The following SOBP variants were observed in gnomAD, a reference collection of about 807,000 sequenced individuals.
SOBP encodes the protein sine oculis binding protein homolog.
SOBP carries 4 observed loss-of-function variants against 53.6 expected under a neutral mutation model. The ratio of observed to expected loss-of-function variants is 0.07; its 90% CI spans 0.04 to 0.17. The LOEUF (loss-of-function observed/expected upper bound fraction) is 0.17. Ranked by LOEUF, SOBP falls within the 10% of genes least tolerant of loss-of-function variation. The probability of loss-of-function intolerance (pLI) is 1.00; values close to 1 mark genes in which losing one functional copy is unlikely to be tolerated. For missense variants in SOBP, 1,088 were observed against 1,204.7 expected (o/e 0.90, Z 1.43); for synonymous variants, 584 against 522.6 (o/e 1.12, Z -1.60).
intron 4 of SOBP, among the ~76,000 whole-genome samples, chr6:107,549,510 C>T (rs770783629): frequency 1.3e-5 from 2 of 151,358 alleles, no homozygotes; most frequent in East Asian, 1.9e-4. Context: ...GCATTAAATG[C>T]GATGAAAGAA....
At chr6:107,557,549 G>C (rs190910640) in intron 4 of SOBP, among the ~76,000 whole-genome samples, 2 of 152,212 alleles carry the variant, frequency 1.3e-5, no homozygotes, top group African/African-American at 2.4e-5. Context: ...CTGTATATCA[G>C]ACTCGGTCAA....
chr6:107,659,722 C>T lies in SOBP; in HGVS notation c.*1519C>T, dbSNP rs1048863148. On this transcript the variant is annotated 3_prime_UTR_variant, in exon 7 of 7. Coordinates refer to ENST00000317357, the MANE Select transcript of SOBP (RefSeq NM_018013.4). ...TGGCGCCAGCCTTGAAGCACCACGGCCCAAGGATGCGGTGTACATACTGTA... is the reference window on the plus strand; with the variant it reads ...TGGCGCCAGCCTTGAAGCACCACGGTCCAAGGATGCGGTGTACATACTGTA... The T allele has an allele frequency of 6.5e-6, 1 of 152,798 alleles. No homozygotes were observed. Among genetic ancestry groups the T allele is most frequent in the Non-Finnish European group, 1.5e-5 (1 of 68,078 alleles). 9.5% of individuals were successfully genotyped at this position (152,798 alleles called of 1,614,324 possible).
At chr6:107,633,112 G>A (rs889133785) in intron 5 of SOBP, among the ~76,000 whole-genome samples, 5 of 152,182 alleles carry the variant, frequency 3.3e-5, no homozygotes, top group East Asian at 1.9e-4. Flanking sequence ...AATATTTCAA[G>A]CCCATTGAAC....
intron 4 of SOBP, among the ~76,000 whole-genome samples, chr6:107,583,478 AAAT>A (rs1464797017): frequency 6.6e-6 from 1 of 152,246 alleles, no homozygotes; most frequent in African/African-American, 2.4e-5. Context: ...ACAAACAAAC[AAAT>A]AATGATAATT....
At chr6:107,503,818 T>A (rs370943326) in intron 2 of SOBP, 23 bp downstream of exon 2, 1,021 of 1,613,012 alleles carry the variant, frequency 6.3e-4, no homozygotes, top group Non-Finnish European at 8.3e-4. Flanking sequence ...AATGTCCTTT[T>A]GTTCATGCAA....
rs1782536369 is a variant in SOBP, at chr6:107,490,168, G to A, written c.-449G>A. ...GCACGCACGCCCGGGGCCGCTCTCC[G>A]CGCCGGCCCTTGCTCCCCGCGCCCA... On this transcript the variant is annotated 5_prime_UTR_variant, in exon 1 of 7. Coordinates refer to ENST00000317357, the MANE Select transcript of SOBP (RefSeq NM_018013.4). 1 of 149,214 alleles carries A rather than the reference G, an allele frequency of 6.7e-6. No individual in the cohort carries two copies. Among genetic ancestry groups the A allele is most frequent in the Admixed American group, 6.7e-5 (1 of 14,932 alleles). 9.2% of individuals were successfully genotyped at this position (149,214 alleles called of 1,614,324 possible).
At chr6:107,641,598 G>A (rs1340153666) in intron 6 of SOBP, among the ~76,000 whole-genome samples, 1 of 152,068 alleles carries the variant, frequency 6.6e-6, no homozygotes, top group Non-Finnish European at 1.5e-5. Flanking sequence ...CTCTTTACTT[G>A]GAGAGACTGC....
intron 5 of SOBP, among the ~76,000 whole-genome samples, chr6:107,594,141 C>T (rs1464988045): frequency 6.6e-6 from 1 of 152,130 alleles, no homozygotes; most frequent in Non-Finnish European, 1.5e-5. Context: ...ATAGCCTTGC[C>T]CAAATCACTG....
intron 5 of SOBP, among the ~76,000 whole-genome samples, chr6:107,629,412 T>C (rs1770607049): frequency 6.6e-6 from 1 of 152,252 alleles, no homozygotes; most frequent in African/African-American, 2.4e-5. Flanking sequence ...ATGAATGTGT[T>C]AATTAGGAAC....
intron 5 of SOBP, among the ~76,000 whole-genome samples, chr6:107,630,834 A>G (rs188687422): frequency 1.1e-4 from 16 of 152,074 alleles, no homozygotes; most frequent in African/African-American, 3.9e-4. Context: ...CTACTTGAAC[A>G]CTTTGGGATG....
chr6:107,516,299 T>A (rs1783318564), intron 3 of SOBP, among the ~76,000 whole-genome samples: 1 of 151,922 alleles, frequency 6.6e-6, no homozygotes, highest in African/African-American at 2.4e-5. Context: ...TAGTCTGTAC[T>A]AAAAATACAA....
chr6:107,655,360 A>T (rs1771988694), intron 6 of SOBP, among the ~76,000 whole-genome samples: 1 of 152,076 alleles, frequency 6.6e-6, no homozygotes, highest in East Asian at 1.9e-4. Flanking sequence ...GCTGCCCTGA[A>T]CCAGCCAGAG....
chr6:107,600,905 C>T (rs1297921761), intron 5 of SOBP, among the ~76,000 whole-genome samples: 1 of 152,058 alleles, frequency 6.6e-6, no homozygotes, highest in Non-Finnish European at 1.5e-5. Flanking sequence ...GATTTCTACC[C>T]CTCATTTTTA....
intron 4 of SOBP, among the ~76,000 whole-genome samples, chr6:107,567,586 G>A (rs1022702584): frequency 2.0e-5 from 3 of 152,206 alleles, no homozygotes; most frequent in African/African-American, 7.2e-5. Context: ...CAGAATACTG[G>A]AAGAAGTTCC....
chr6:107,647,954 G>A (rs570293876), intron 6 of SOBP, among the ~76,000 whole-genome samples: 1 of 152,256 alleles, frequency 6.6e-6, no homozygotes, highest in African/African-American at 2.4e-5. Context: ...GCTGTTGGGG[G>A]AGAAATCAGT....
chr6:107,596,031 A>C (rs1334123071), intron 5 of SOBP, among the ~76,000 whole-genome samples: 1 of 152,186 alleles, frequency 6.6e-6, no homozygotes, highest in Non-Finnish European at 1.5e-5. Context: ...CCAGGAACTG[A>C]GACTTTTGCC....
At chr6:107,541,900 CT>C (rs1296232512) in intron 4 of SOBP, among the ~76,000 whole-genome samples, 10 of 151,828 alleles carry the variant, frequency 6.6e-5, no homozygotes, top group African/African-American at 2.4e-4. Flanking sequence ...CTCCCTACAG[CT>C]TTTTGTTTTT....
chr6:107,597,519 A>G (rs866336966), intron 5 of SOBP, among the ~76,000 whole-genome samples: 1 of 152,228 alleles, frequency 6.6e-6, no homozygotes, highest in Admixed American at 6.5e-5. Flanking sequence ...GAAAAGGAAA[A>G]TAAACAAGCA....
intron 4 of SOBP, among the ~76,000 whole-genome samples, chr6:107,557,508 C>A (rs962009260): frequency 1.3e-5 from 2 of 152,108 alleles, no homozygotes; most frequent in African/African-American, 2.4e-5. Context: ...CAAAATGAAT[C>A]AAAAATCAAA....
Sources: gnomAD v4.1 joint callset for allele counts (sites outside exome capture counted in the v4.1 genomes callset) on GRCh38, gnomAD v4.1.1 for gene constraint, MANE v1.5 for transcripts, NCBI Gene and HGNC (gene_info 2026-07-23, HGNC 2026-07-21) for gene names.